The following FARS2 variants were observed in gnomAD, a reference collection of about 807,000 sequenced individuals.
FARS2 encodes phenylalanyl-tRNA synthetase 2, mitochondrial.
Under a neutral mutation model 46.4 loss-of-function variants are expected in FARS2, and 40 were observed. The observed-to-expected ratio is 0.86, with a 90% CI of 0.67 to 1.12. The LOEUF is 1.12. FARS2 is among the 50% of genes most tolerant of loss of function. FARS2 has a pLI of 0.00. For synonymous variants in FARS2, 234 were observed against 214.9 expected, an observed-to-expected ratio of 1.09 and a Z score of -0.78; for missense variants, 513 against 567.9, an observed-to-expected ratio of 0.90 and a Z score of 0.98.
chr6:5,733,858 A>G (rs898136981), intron 6 of FARS2, among the ~76,000 whole-genome samples: 2 of 152,210 alleles, frequency 1.3e-5, no homozygotes, highest in African/African-American at 4.8e-5. Flanking sequence ...CTGTGAAATC[A>G]CTAGCCTCTC....
At chr6:5,569,132 C>T (rs1270026774) in intron 5 of FARS2, among the ~76,000 whole-genome samples, 1 of 151,614 alleles carries the variant, frequency 6.6e-6, no homozygotes, top group Non-Finnish European at 1.5e-5. Context: ...GAAAATGGTT[C>T]CTAGGTTTCT....
chr6:5,558,533 T>G (rs1055107267), intron 5 of FARS2, among the ~76,000 whole-genome samples: 1 of 151,954 alleles, frequency 6.6e-6, no homozygotes, highest in South Asian at 2.1e-4. Context: ...TTTTATTTAA[T>G]TATTTATTTG....
At chr6:5,649,202 G>A (rs1777222231) in intron 6 of FARS2, among the ~76,000 whole-genome samples, 1 of 152,160 alleles carries the variant, frequency 6.6e-6, no homozygotes, top group Non-Finnish European at 1.5e-5. Flanking sequence ...GTTAGCATCT[G>A]TTTGTTCTGT....
intron 1 of FARS2, among the ~76,000 whole-genome samples, chr6:5,327,586 C>T (rs1054604711): frequency 1.6e-4 from 24 of 152,214 alleles, no homozygotes; most frequent in Non-Finnish European, 2.8e-4. Flanking sequence ...ACCTTTGCTC[C>T]TCCTTTGCCT....
chr6:5,701,840 G>C (rs115729478), intron 6 of FARS2, among the ~76,000 whole-genome samples: 3,449 of 152,198 alleles, frequency 0.023, 44 homozygotes, highest in Middle Eastern at 0.031. Flanking sequence ...TGCTTTAATG[G>C]GCTGCTCGTG....
intron 1 of FARS2, among the ~76,000 whole-genome samples, chr6:5,285,998 T>C (rs1054705981): frequency 6.6e-6 from 1 of 152,174 alleles, no homozygotes; most frequent in African/African-American, 2.4e-5. Flanking sequence ...CTTCCTCTGT[T>C]TGCATCATAA....
chr6:5,257,907 T>C (rs76376507), upstream of FARS2, among the ~76,000 whole-genome samples: 44 of 152,268 alleles, frequency 2.9e-4, 1 homozygote, highest in East Asian at 5.8e-3. Flanking sequence ...GGTAAAAGAA[T>C]GACACACAGC....
chr6:5,549,318 T>C (rs112248550), intron 5 of FARS2, among the ~76,000 whole-genome samples: 4,822 of 152,234 alleles, frequency 0.032, 264 homozygotes, highest in African/African-American at 0.11. Flanking sequence ...TCTCCTAATG[T>C]TATCCCTCCC....
chr6:5,585,526 T>C (rs1251121272), intron 5 of FARS2, among the ~76,000 whole-genome samples: 1 of 151,936 alleles, frequency 6.6e-6, no homozygotes, highest in East Asian at 1.9e-4. Context: ...CTTCAGTTAG[T>C]TCAACTTTTT....
At chr6:5,667,520 GA>G (rs1166355245) in intron 6 of FARS2, among the ~76,000 whole-genome samples, 2,402 of 79,156 alleles carry the variant, frequency 0.03, 29 homozygotes, top group Non-Finnish European at 0.04. Flanking sequence ...ACCGTCTCAA[GA>G]AAAAAAAAAA....
At chr6:5,672,265 C>T (rs1284170321) in intron 6 of FARS2, among the ~76,000 whole-genome samples, 5 of 152,152 alleles carry the variant, frequency 3.3e-5, no homozygotes, top group African/African-American at 4.8e-5. Flanking sequence ...TGTGGTGGCC[C>T]GCCCTAAGAC....
At chr6:5,720,434 T>C (rs1759814717) in intron 6 of FARS2, among the ~76,000 whole-genome samples, 1 of 152,222 alleles carries the variant, frequency 6.6e-6, no homozygotes, top group South Asian at 2.1e-4. Flanking sequence ...TTGATCAGTT[T>C]TCCAGATGTT....
At chr6:5,355,410 A>C (rs1581865690) in intron 1 of FARS2, among the ~76,000 whole-genome samples, 1 of 136,058 alleles carries the variant, frequency 7.3e-6, no homozygotes, top group Admixed American at 8.3e-5. Flanking sequence ...TCACTCTGTC[A>C]CCCAGGCGTG....
chr6:5,362,595 A>G lies in FARS2; in HGVS notation c.-21-5955A>G, dbSNP rs148384855. On this transcript the variant is annotated intron_variant, in intron 1 of 6. Transcript: ENST00000274680. ...ATTTCATTTCCTGTGTTATATACAC[A>G]GAAGTGGGATTGCTGGATCATATGT... 3.1e-4 allele frequency among the ~76,000 whole-genome samples: 47 copies of G among 152,342 alleles called. 2 individuals carry two copies. The East Asian group carries it at 8.7e-3, about 28-fold the overall frequency.
chr6:5,719,599 G>C (rs529039588), intron 6 of FARS2, among the ~76,000 whole-genome samples: 2 of 152,094 alleles, frequency 1.3e-5, no homozygotes, highest in Non-Finnish European at 2.9e-5. Flanking sequence ...CAATGCCCTC[G>C]TGAGGCCTCA....
chr6:5,694,811 T>A (rs1311076094), intron 6 of FARS2: 1 of 138,436 alleles, frequency 7.2e-6, no homozygotes, highest in Non-Finnish European at 1.5e-5. Flanking sequence ...GAGATCAGCC[T>A]GGCAACATAG....
rs552912065 is a variant in FARS2, at chr6:5,674,492, G to A, written c.1217+61172G>A. Among the ~76,000 whole-genome samples the A allele has an allele frequency of 9.2e-5, 14 of 152,340 alleles. No homozygotes were observed. The East Asian group carries it at 2.5e-3, about 27-fold the overall frequency. On this transcript the variant is annotated intron_variant, in intron 6 of 6. Transcript: ENST00000274680. ...ATCGGAACCTTGGCAGATCCATGCAGAGGTAATAGTTTGGAAGTTGGGAAT... is the reference window on the plus strand; with the variant it reads ...ATCGGAACCTTGGCAGATCCATGCAAAGGTAATAGTTTGGAAGTTGGGAAT...
intron 1 of FARS2, among the ~76,000 whole-genome samples, chr6:5,357,662 A>G (rs139732218): frequency 2.6e-5 from 4 of 152,370 alleles, no homozygotes; most frequent in African/African-American, 9.6e-5. Flanking sequence ...ACTTACTAGG[A>G]CTACATCTAT....
intron 1 of FARS2, among the ~76,000 whole-genome samples, chr6:5,309,759 C>CT (rs5873972): frequency 0.5 from 76,563 of 151,998 alleles, 20,548 homozygotes; most frequent in African/African-American, 0.7. Flanking sequence ...GATATCAATT[C>CT]TTATAAATTA....
Sources: allele counts gnomAD v4.1 joint callset (sites outside exome capture counted in the v4.1 genomes callset), GRCh38; gene constraint gnomAD v4.1.1; transcripts MANE v1.5; gene names NCBI Gene and HGNC (gene_info 2026-07-23, HGNC 2026-07-21).